The following MTERF3 variants were observed in gnomAD, a reference collection of about 807,000 sequenced individuals.
The protein encoded by MTERF3 is mitochondrial transcription termination factor 3, also known as transcription termination factor 3, mitochondrial.
Under a neutral mutation model 40.5 loss-of-function variants are expected in MTERF3, and 40 were observed. The observed-to-expected ratio is 0.99, with a 90% confidence interval of 0.77 to 1.29. MTERF3 has a LOEUF of 1.29. Among genes scored for constraint, MTERF3 ranks in the 50% most tolerant of loss-of-function variants. MTERF3 has a pLI of 0.00. For missense variants in MTERF3, 452 were observed against 478.2 expected (o/e 0.95, Z 0.51); for synonymous variants, 158 against 166.6 (o/e 0.95, Z 0.40).
intron 7 of MTERF3, among the ~76,000 whole-genome samples, chr8:96,242,985 G>T (rs1269778914): frequency 2.0e-5 from 3 of 152,156 alleles, no homozygotes; most frequent in Admixed American, 6.5e-5. Context: ...TCACAAAACT[G>T]TAGGCTTCTA....
intron 3 of MTERF3, among the ~76,000 whole-genome samples, chr8:96,251,854 G>A (rs1428076502): frequency 6.6e-5 from 10 of 152,156 alleles, no homozygotes; most frequent in Non-Finnish European, 2.9e-5. Flanking sequence ...AGATGCCCAT[G>A]AACAGTAAAA....
intron 4 of MTERF3, among the ~76,000 whole-genome samples, chr8:96,247,446 T>C (rs1810042286): frequency 6.6e-6 from 1 of 152,256 alleles, no homozygotes; most frequent in Non-Finnish European, 1.5e-5. Context: ...AAGATGGTTT[T>C]ACTAAATGTC....
intron 4 of MTERF3, among the ~76,000 whole-genome samples, chr8:96,250,498 G>C (rs765222399): frequency 1.4e-5 from 2 of 144,528 alleles, no homozygotes; most frequent in Non-Finnish European, 3.1e-5. Context: ...ATCACTTGAG[G>C]TCAGGAGTTC....
At position 96,258,488 on chromosome 8, in the gene MTERF3, T is replaced by G; in HGVS notation, c.203A>C (p.Asn68Thr). 1 of 1,614,178 alleles carries G rather than the reference T, an allele frequency of 6.2e-7. No individual in the cohort carries two copies. Among genetic ancestry groups the G allele is most frequent in the South Asian group, 1.1e-5 (1 of 91,078 alleles). Residue 68 changes from asparagine to threonine, a missense_variant, in exon 2 of 8, where the codon AAT (asparagine) becomes ACT (threonine). Asn to Thr is a moderately conservative substitution (Grantham distance 65). Coordinates refer to ENST00000287025, the MANE Select transcript of MTERF3 (RefSeq NM_015942.5). ...FKTYRTSSLW[N>T]SSQSTSSSSQ... ...ACTTGAGCTAGTAGACTGGGAACTATTCCATAAGGAGGAAGTCCTGTAAGT... is the reference window on the plus strand; with the variant it reads ...ACTTGAGCTAGTAGACTGGGAACTAGTCCATAAGGAGGAAGTCCTGTAAGT...
At chr8:96,245,671 C>T (rs868154539) in intron 6 of MTERF3, among the ~76,000 whole-genome samples, 189 bp downstream of exon 6, 15 of 152,302 alleles carry the variant, frequency 9.8e-5, no homozygotes, top group African/African-American at 3.1e-4. Flanking sequence ...ACCTGCTCAA[C>T]GTGAAAATAT....
chr8:96,246,924 G>C (rs187264047), intron 4 of MTERF3, among the ~76,000 whole-genome samples: 117 of 150,866 alleles, frequency 7.8e-4, no homozygotes, highest in African/African-American at 2.7e-3. Context: ...TTATAACTGA[G>C]AGAGGCATTT....
rs191846171 is a variant in MTERF3, at chr8:96,246,940, G to A, written c.678-486C>T. Among the ~76,000 whole-genome samples the A allele has an allele frequency of 4.3e-4, 65 of 151,838 alleles. No homozygotes were observed. The South Asian group carries it at 6.2e-3, about 15-fold the overall frequency. Reference sequence around the variant, plus strand: ...TATAACTGAGAGAGGCATTTTTTAGGTTAGTATATTTACTGAGCCCCTCCC... The same window carrying A: ...TATAACTGAGAGAGGCATTTTTTAGATTAGTATATTTACTGAGCCCCTCCC... On this transcript the variant is annotated intron_variant, in intron 4 of 7. Transcript: ENST00000287025.
rs1563549064 is a variant in MTERF3 at position 96,250,678 on chromosome 8, A to AGGAGG, written c.677+227_677+228insCCTCC. 1.3e-3 allele frequency among the ~76,000 whole-genome samples: 44 copies of AGGAGG among 34,446 alleles called. 2 individuals carry two copies. The highest frequency in any genetic ancestry group is 6.3e-3 in the African/African-American group (40 of 6,304). The allele number at this position is 34,446 out of a possible 152,430, so 22.6% of individuals were successfully genotyped here. A position where few individuals can be genotyped will look rare whatever the true frequency, so the allele number is the denominator to read the frequency against. On this transcript the variant is annotated intron_variant, in intron 4 of 7. Coordinates refer to ENST00000287025, the MANE Select transcript of MTERF3 (RefSeq NM_015942.5). ...GAAGAAGAAGAAGAAGAAGAAGAAG[A>AGGAGG]AGAAGGAGGAGGAGGAGGGGGGGAG...
intron 1 of MTERF3, among the ~76,000 whole-genome samples, chr8:96,260,475 T>C (rs1467956119): frequency 1.3e-5 from 2 of 152,070 alleles, no homozygotes; most frequent in South Asian, 2.1e-4. Context: ...GGTCAATAAC[T>C]ATTCTTCAAA....
At chr8:96,258,831 T>G in intron 1 of MTERF3, 131 bp from the exon 2 acceptor site, 1 of 688,934 alleles carries the variant, frequency 1.5e-6, no homozygotes, top group Non-Finnish European at 2.3e-6. Context: ...TAAATATATA[T>G]TTAGTCTAAA....
chr8:96,245,741 A>G, intron 6 of MTERF3, 119 bp downstream of exon 6: 1 of 814,846 alleles, frequency 1.2e-6, no homozygotes, highest in African/African-American at 1.7e-5. Flanking sequence ...TTCTCTTTTT[A>G]GAAATAACTT....
At chr8:96,239,868 A>G in intron 7 of MTERF3, 183 bp from the exon 8 acceptor site, 1 of 701,930 alleles carries the variant, frequency 1.4e-6, no homozygotes, top group Non-Finnish European at 2.6e-6. Context: ...AGAAAAAGGG[A>G]TTCAAAATCA....
At chr8:96,251,619 C>T (rs549631550) in intron 3 of MTERF3, among the ~76,000 whole-genome samples, 63 of 152,260 alleles carry the variant, frequency 4.1e-4, no homozygotes, top group African/African-American at 1.5e-3. Flanking sequence ...CACGGAGACA[C>T]GTCCCTTGAA....
At chr8:96,255,639 G>GAAAAAAA (rs754843989) in intron 3 of MTERF3, among the ~76,000 whole-genome samples, 3 of 57,058 alleles carry the variant, frequency 5.3e-5, no homozygotes, top group Non-Finnish European at 7.5e-5. Flanking sequence ...CCAGTCTGAA[G>GAAAAAAA]AAAAAAAAAA....
chr8:96,254,213 T>C (rs1053026522), intron 3 of MTERF3, among the ~76,000 whole-genome samples: 1 of 152,214 alleles, frequency 6.6e-6, no homozygotes, highest in Non-Finnish European at 1.5e-5. Context: ...GTATACATAG[T>C]GGAACGATTA....
chr8:96,258,828 A>G (rs777417573), intron 1 of MTERF3, 128 bp from the exon 2 acceptor site: 84 of 697,078 alleles, frequency 1.2e-4, no homozygotes, highest in Admixed American at 6.2e-5. Context: ...GTTTAAATAT[A>G]TATTTAGTCT....
intron 5 of MTERF3, 33 bp from the exon 6 acceptor site, chr8:96,245,964 T>G (rs775764615): frequency 6.4e-7 from 1 of 1,574,016 alleles, no homozygotes; most frequent in Non-Finnish European, 8.7e-7. Context: ...CTAGTATTAC[T>G]ATACGTGCAT....
At chr8:96,255,242 G>A (rs1401532406) in intron 3 of MTERF3, among the ~76,000 whole-genome samples, 1 of 152,212 alleles carries the variant, frequency 6.6e-6, no homozygotes, top group African/African-American at 2.4e-5. Context: ...GGTAGTGACT[G>A]TAGGATGAGA....
chr8:96,250,818 T>C, intron 4 of MTERF3, 88 bp downstream of exon 4: 1 of 1,275,258 alleles, frequency 7.8e-7, no homozygotes, highest in Non-Finnish European at 1.1e-6. Context: ...TAGACCCTTG[T>C]GCAGCAGAGA....
Sources: allele counts gnomAD v4.1 joint callset (sites outside exome capture counted in the v4.1 genomes callset), GRCh38; gene constraint gnomAD v4.1.1; transcripts MANE v1.5; gene names NCBI Gene and HGNC (gene_info 2026-07-23, HGNC 2026-07-21).